Variants in LRIF1 observed in about 807,000 individuals in gnomAD.
LRIF1 encodes ligand-dependent nuclear receptor-interacting factor 1.
In LRIF1, 32 loss-of-function variants were observed where a neutral mutation model predicts 52.7. The ratio of observed to expected loss-of-function variants is 0.61; its 90% confidence interval spans 0.46 to 0.82. LRIF1 has a LOEUF of 0.82. Ranked by LOEUF, LRIF1 falls within the 40% of genes least tolerant of loss-of-function variation. LRIF1 has a pLI of 0.00. For synonymous variants in LRIF1, 323 were observed against 317.4 expected, an observed-to-expected ratio of 1.02 and a Z score of -0.19; for missense variants, 887 against 892.0, an observed-to-expected ratio of 0.99 and a Z score of 0.07.
chr1:110,922,446 C>A, the LRIF1 span, among the ~76,000 whole-genome samples: 6 of 152,136 alleles, frequency 3.9e-5, no homozygotes, highest in Non-Finnish European at 8.8e-5. Context: ...TGGGGAAATA[C>A]ATTTCTGTTT....
chr1:110,949,779 C>A, intron 3 of LRIF1, 72 bp downstream of exon 3: 1 of 1,479,892 alleles, frequency 6.8e-7, no homozygotes, highest in Non-Finnish European at 9.2e-7. Context: ...GGGTTAAAAC[C>A]AAATCAAGAA....
downstream of LRIF1, among the ~76,000 whole-genome samples, chr1:110,946,651 C>CTTTTTTTT (rs1197301792): frequency 1.2e-5 from 1 of 80,856 alleles, no homozygotes; most frequent in Non-Finnish European, 2.3e-5. Context: ...AGATTTGATC[C>CTTTTTTTT]TTTTTTTTTT....
chr1:110,957,490 A>AAAAAAAAAC (rs1658753886), intron 1 of LRIF1, among the ~76,000 whole-genome samples: 1 of 149,578 alleles, frequency 6.7e-6, no homozygotes, highest in African/African-American at 2.4e-5. Flanking sequence ...AAAAAAAAAA[A>AAAAAAAAAC]AAGACTGCAA....
rs757829085 is a variant in LRIF1, at chr1:110,948,358, C to A, written c.1911G>T (p.Lys637Asn). ...DKKRKAKTNK[K>N]MDHIKKRKTE... ...TTTTTCTCTTCTTTATGTGATCCAT[C>A]TTCTTATTAGTTTTTGCTTTTCTTT... Residue 637 changes from lysine (K) to asparagine (N), a missense_variant, in exon 4 of 4, where the codon AAG becomes AAT. Physicochemically the swap from Lys to Asn is moderately conservative, Grantham distance 94. Transcript: ENST00000369763. 4 of 1,613,448 alleles carry A rather than the reference C, an allele frequency of 2.5e-6. No homozygotes were observed. In the East Asian group the frequency reaches 6.7e-5, roughly 27 times the overall value.
chr1:110,889,689 A>G, the LRIF1 span, among the ~76,000 whole-genome samples: 1 of 152,146 alleles, frequency 6.6e-6, no homozygotes, highest in Non-Finnish European at 1.5e-5. Flanking sequence ...CCTATAAGGG[A>G]TAAGTGTTGG....
chr1:110,924,172 A>G, the LRIF1 span, among the ~76,000 whole-genome samples: 3 of 152,204 alleles, frequency 2.0e-5, no homozygotes, highest in South Asian at 2.1e-4. Context: ...AAATATTTCA[A>G]GCAGAAAACA....
At chr1:110,909,467 T>C in the LRIF1 span, among the ~76,000 whole-genome samples, 1 of 151,790 alleles carries the variant, frequency 6.6e-6, no homozygotes, top group Non-Finnish European at 1.5e-5. Flanking sequence ...AACTCTATAC[T>C]GTCCTCAAGA....
At position 110,963,793 on chromosome 1, in the gene LRIF1, G is replaced by C; in HGVS notation, c.-105C>G. On this transcript the variant is annotated 5_prime_UTR_variant, in exon 1 of 4. Coordinates refer to ENST00000369763, the MANE Select transcript of LRIF1 (RefSeq NM_018372.4). ...AGCGAGGGAATGTTGGGCTGGAGTT[G>C]CCCACAGCAACTGTGAGGGGTTCGA... 3 of 904,846 alleles carry C rather than the reference G, an allele frequency of 3.3e-6. No individual in the cohort carries two copies. In the South Asian group the frequency reaches 4.6e-5, roughly 14 times the overall value. The allele number at this position is 904,846 out of a possible 1,614,324, so 56.1% of individuals were successfully genotyped here. A position where few individuals can be genotyped will look rare whatever the true frequency, so the allele number is the denominator to read the frequency against.
At chr1:110,895,564 T>G in the LRIF1 span, among the ~76,000 whole-genome samples, 2 of 152,156 alleles carry the variant, frequency 1.3e-5, no homozygotes, top group African/African-American at 4.8e-5. Flanking sequence ...GTATAATCTA[T>G]TTGTGTCTCG....
At chr1:110,880,392 G>C in the LRIF1 span, 1 of 152,058 alleles carries the variant, frequency 6.6e-6, no homozygotes, top group Non-Finnish European at 1.5e-5. Context: ...AGTGGGAGAG[G>C]AAGGAAGAAG....
At chr1:110,896,992 A>G in the LRIF1 span, among the ~76,000 whole-genome samples, 1 of 152,218 alleles carries the variant, frequency 6.6e-6, no homozygotes, top group South Asian at 2.1e-4. Context: ...TTTTGTGTGA[A>G]AGTAGGAGAG....
In LRIF1 at chr1:110,959,054, T is replaced by A. The variant is rs538692126; in HGVS notation, c.68+4567A>T. On this transcript the variant is annotated intron_variant, in intron 1 of 3. Coordinates refer to ENST00000369763, the MANE Select transcript of LRIF1 (RefSeq NM_018372.4). ...TACAAAGATTCTGTTTTCTGAAAGA[T>A]CATATTCTGCGGGCTAATGTCAGAA... is the stretch of plus-strand genomic sequence containing the variant. Among the ~76,000 whole-genome samples the A allele has an allele frequency of 3.3e-5, 5 of 152,308 alleles. No homozygotes were observed. In the East Asian group the frequency reaches 9.6e-4, roughly 29 times the overall value.
At chr1:110,949,285 AT>A (rs1011559574) in intron 3 of LRIF1, among the ~76,000 whole-genome samples, 3 of 151,402 alleles carry the variant, frequency 2.0e-5, no homozygotes, top group Non-Finnish European at 4.4e-5. Flanking sequence ...CACCCAGCTA[AT>A]TTTTTGTATT....
Position 110,963,866 on chromosome 1 carries a change from C to T in LRIF1, c.-178G>A, listed in dbSNP as rs568699584. Reference sequence around the variant, plus strand: ...GCTCTCGAGAGGGTGTATCCCCAGGCTTCGGGACGAGGTCGCGCACCGCGC... The same window carrying T: ...GCTCTCGAGAGGGTGTATCCCCAGGTTTCGGGACGAGGTCGCGCACCGCGC... On this transcript the variant is annotated 5_prime_UTR_variant, in exon 1 of 4. Transcript: ENST00000369763. 4.1e-6 allele frequency: 2 copies of T among 489,660 alleles called. No homozygotes were observed. The highest frequency in any genetic ancestry group is 7.5e-6 in the Non-Finnish European group (2 of 265,804). 30.3% of individuals were successfully genotyped at this position (489,660 alleles called of 1,614,324 possible). A position where few individuals can be genotyped will look rare whatever the true frequency, so the allele number is the denominator to read the frequency against.
At chr1:110,882,377 T>A in the LRIF1 span, among the ~76,000 whole-genome samples, 1 of 151,986 alleles carries the variant, frequency 6.6e-6, no homozygotes, top group Non-Finnish European at 1.5e-5. Context: ...AATTTTGTAT[T>A]TTTTTTGAAA....
chr1:110,899,228 T>A, the LRIF1 span: 1 of 1,513,536 alleles, frequency 6.6e-7, no homozygotes, highest in East Asian at 2.2e-5. Context: ...GAGACTTGTT[T>A]CATCTCCGGA....
the LRIF1 span, chr1:110,940,666 C>T: frequency 3.3e-5 from 5 of 152,100 alleles, no homozygotes; most frequent in African/African-American, 4.8e-5. Flanking sequence ...GAATGACACC[C>T]TGTCATTTGC....
intron 2 of LRIF1, among the ~76,000 whole-genome samples, chr1:110,950,410 A>C (rs189639719): frequency 1.6e-3 from 245 of 152,340 alleles, no homozygotes; most frequent in African/African-American, 5.8e-3. Context: ...GACAACGTTA[A>C]AATAACATAT....
chr1:110,963,547 A>G (rs766118158), intron 1 of LRIF1, 74 bp downstream of exon 1: 1 of 1,326,544 alleles, frequency 7.5e-7, no homozygotes. Context: ...CAGCGTCCGG[A>G]AACGACGGCC....
Sources: allele counts gnomAD v4.1 joint callset (sites outside exome capture counted in the v4.1 genomes callset), GRCh38; gene constraint gnomAD v4.1.1; transcripts MANE v1.5; gene names NCBI Gene and HGNC (gene_info 2026-07-23, HGNC 2026-07-21).